Variants in DACH1 observed in about 807,000 individuals in gnomAD.
The protein encoded by DACH1 is dachshund family transcription factor 1.
Under a neutral mutation model 54.2 loss-of-function variants are expected in DACH1, and 12 were observed. The ratio of observed to expected loss-of-function variants is 0.22; its 90% CI spans 0.14 to 0.36. The LOEUF is 0.36. DACH1 is among the 10% of genes least tolerant of loss of function. The pLI is 1.00. For missense variants in DACH1, 805 were observed against 929.8 expected, an observed-to-expected ratio of 0.87 and a Z score of 1.75; for synonymous variants, 386 against 366.2, an observed-to-expected ratio of 1.05 and a Z score of -0.62.
Position 71,726,136 on chromosome 13 carries a change from T to A in DACH1, c.849-44226A>T, listed in dbSNP as rs768647349. On this transcript the variant is annotated intron_variant, in intron 1 of 10. Coordinates refer to ENST00000613252, the MANE Select transcript of DACH1 (RefSeq NM_080759.6). ...GGACCAAGACTCTGCCTGGCATGTTTTAAACCTCTATTCTTCTCAATGAAT... is the reference window on the plus strand; with the variant it reads ...GGACCAAGACTCTGCCTGGCATGTTATAAACCTCTATTCTTCTCAATGAAT... Among the ~76,000 whole-genome samples, 155 of 152,254 alleles carry A rather than the reference T, an allele frequency of 1.0e-3. No homozygotes were observed. The Middle Eastern group carries it at 0.01, about 10-fold the overall frequency.
At chr13:71,472,132 T>G (rs982255481) in intron 10 of DACH1, among the ~76,000 whole-genome samples, 1 of 152,168 alleles carries the variant, frequency 6.6e-6, no homozygotes, top group Non-Finnish European at 1.5e-5. Context: ...CTGGAAGAAG[T>G]TTTTTTAAAA....
chr13:71,582,643 G>A (rs1330585713), intron 3 of DACH1, among the ~76,000 whole-genome samples: 3 of 152,164 alleles, frequency 2.0e-5, no homozygotes, highest in African/African-American at 7.2e-5. Flanking sequence ...CATATTTGAA[G>A]GACCATTGAA....
chr13:71,559,367 A>G (rs557241758), intron 5 of DACH1, among the ~76,000 whole-genome samples: 87 of 152,318 alleles, frequency 5.7e-4, no homozygotes, highest in Admixed American at 7.8e-4. Context: ...TTTTAAGTTT[A>G]GTATTTTGAA....
intron 1 of DACH1, among the ~76,000 whole-genome samples, chr13:71,748,960 C>T (rs1230638305): frequency 3.5e-5 from 1 of 28,464 alleles, no homozygotes; most frequent in African/African-American, 6.8e-5. Context: ...TTCTCTCTTT[C>T]TTTCTCTCTC....
Position 71,590,060 on chromosome 13 carries a change from A to G in DACH1, c.1127-17048T>C, listed in dbSNP as rs1873584519. 5.9e-5 allele frequency among the ~76,000 whole-genome samples: 9 copies of G among 152,210 alleles called. No individual in the cohort carries two copies. In the South Asian group the frequency reaches 1.5e-3, roughly 25 times the overall value. ...AACATAAATCTTTGAAATGTCCTCT[A>G]TGGAAATCTAAAGAGGTGAAAATTA... On this transcript the variant is annotated intron_variant, in intron 3 of 10. Transcript: ENST00000613252.
At chr13:71,586,759 T>C (rs941605344) in intron 3 of DACH1, among the ~76,000 whole-genome samples, 1 of 152,136 alleles carries the variant, frequency 6.6e-6, no homozygotes, top group Non-Finnish European at 1.5e-5. Context: ...AATAGCATGA[T>C]GAGCCTTCAT....
At chr13:71,765,400 C>A (rs1594193874) in intron 1 of DACH1, among the ~76,000 whole-genome samples, 1 of 152,190 alleles carries the variant, frequency 6.6e-6, no homozygotes, top group Admixed American at 6.5e-5. Flanking sequence ...TTATTTTCCA[C>A]AGGGACTGTT....
intron 1 of DACH1, among the ~76,000 whole-genome samples, chr13:71,765,574 TA>T (rs1401250650): frequency 6.6e-6 from 1 of 152,192 alleles, no homozygotes; most frequent in Admixed American, 6.5e-5. Flanking sequence ...GATAAAAATC[TA>T]AACACAAGAA....
At chr13:71,804,467 A>T (rs1445582123) in intron 1 of DACH1, among the ~76,000 whole-genome samples, 1 of 151,958 alleles carries the variant, frequency 6.6e-6, no homozygotes, top group African/African-American at 2.4e-5. Context: ...ATAACCTCCT[A>T]TTTCACCTCC....
chr13:71,850,247 A>G (rs1873570470), intron 1 of DACH1, among the ~76,000 whole-genome samples: 1 of 152,204 alleles, frequency 6.6e-6, no homozygotes, highest in African/African-American at 2.4e-5. Flanking sequence ...TTTATTAACA[A>G]ATAGTTAGAG....
At chr13:71,650,560 T>A (rs894545690) in intron 2 of DACH1, among the ~76,000 whole-genome samples, 1 of 152,120 alleles carries the variant, frequency 6.6e-6, no homozygotes, top group Non-Finnish European at 1.5e-5. Context: ...ATTTTCAGAG[T>A]ATGTGGTAAA....
rs189358337 is a variant in DACH1, at chr13:71,660,462, T to C, written c.964+21333A>G. 2.0e-3 allele frequency among the ~76,000 whole-genome samples: 302 copies of C among 152,172 alleles called. 1 individual carries two copies. Among genetic ancestry groups the C allele is most frequent in the Non-Finnish European group, 3.7e-3 (251 of 67,964 alleles). ...GGGTTATAATACAACACAAAATCATTCTATTTTCACCAAGAATAAAGTAAG... is the reference window on the plus strand; with the variant it reads ...GGGTTATAATACAACACAAAATCATCCTATTTTCACCAAGAATAAAGTAAG... On this transcript the variant is annotated intron_variant, in intron 2 of 10. Coordinates refer to ENST00000613252, the MANE Select transcript of DACH1 (RefSeq NM_080759.6).
intron 1 of DACH1, among the ~76,000 whole-genome samples, chr13:71,712,276 C>T (rs1178614340): frequency 1.3e-5 from 2 of 151,720 alleles, no homozygotes; most frequent in East Asian, 3.9e-4. Flanking sequence ...AATCTGAAAA[C>T]CTTTTTTTTG....
chr13:71,742,798 G>A (rs943946202), intron 1 of DACH1, among the ~76,000 whole-genome samples: 1 of 151,932 alleles, frequency 6.6e-6, no homozygotes, highest in African/African-American at 2.4e-5. Flanking sequence ...AGTTTGCAGA[G>A]GGATCAGTAT....
intron 1 of DACH1, among the ~76,000 whole-genome samples, chr13:71,743,786 T>C (rs942987032): frequency 3.9e-5 from 6 of 152,200 alleles, no homozygotes; most frequent in African/African-American, 7.2e-5. Flanking sequence ...AAAAGAAAAT[T>C]ATATTTTAAA....
At chr13:71,676,871 A>C (rs141005437) in intron 2 of DACH1, among the ~76,000 whole-genome samples, 437 of 152,312 alleles carry the variant, frequency 2.9e-3, no homozygotes, top group Admixed American at 4.5e-3. Flanking sequence ...CGTATTAGTT[A>C]TATGTCTACA....
chr13:71,477,182 G>A (rs1236144487), intron 8 of DACH1, among the ~76,000 whole-genome samples: 5 of 135,280 alleles, frequency 3.7e-5, no homozygotes, highest in Admixed American at 2.5e-4. Flanking sequence ...GTGCAGTGGC[G>A]CGATCTTGGC....
chr13:71,748,959 T>C (rs1271186270), intron 1 of DACH1, among the ~76,000 whole-genome samples: 3 of 30,864 alleles, frequency 9.7e-5, no homozygotes, highest in Non-Finnish European at 3.6e-4. Context: ...TTTCTCTCTT[T>C]CTTTCTCTCT....
At chr13:71,786,097 A>G (rs1249152480) in intron 1 of DACH1, among the ~76,000 whole-genome samples, 1 of 152,212 alleles carries the variant, frequency 6.6e-6, no homozygotes, top group African/African-American at 2.4e-5. Flanking sequence ...AGAGCCCAAT[A>G]TAAGATTCAG....
Sources: gnomAD v4.1 joint callset for allele counts (sites outside exome capture counted in the v4.1 genomes callset) on GRCh38, gnomAD v4.1.1 for gene constraint, MANE v1.5 for transcripts, NCBI Gene and HGNC (gene_info 2026-07-23, HGNC 2026-07-21) for gene names.